The following ENOX2 variants were observed in gnomAD, a reference collection of about 807,000 sequenced individuals.
The protein encoded by ENOX2 is APK1 antigen.
In ENOX2, 36 loss-of-function variants were observed where a neutral mutation model predicts 45.0. That is an observed-to-expected ratio of 0.80 (90% confidence interval 0.61 to 1.06). The LOEUF (loss-of-function observed/expected upper bound fraction) is 1.06, where lower values mean the gene tolerates loss of function less well. Ranked by LOEUF, ENOX2 falls within the 50% of genes least tolerant of loss-of-function variation. The probability of loss-of-function intolerance (pLI) is 0.00; values close to 1 mark genes in which losing one functional copy is unlikely to be tolerated. For missense variants in ENOX2, 423 were observed against 462.5 expected, an observed-to-expected ratio of 0.91 and a Z score of 0.78; for synonymous variants, 174 against 152.3, an observed-to-expected ratio of 1.14 and a Z score of -1.05.
intron 3 of ENOX2, among the ~76,000 whole-genome samples, chrX:130,730,005 C>T (rs1012389011): frequency 8.9e-6 from 1 of 112,097 alleles, no homozygotes; most frequent in Non-Finnish European, 1.9e-5. Context: ...TACGATTCTC[C>T]TGCTAGAAAA....
At chrX:130,737,077 A>T (rs2038876937) in intron 3 of ENOX2, among the ~76,000 whole-genome samples, 1 of 112,365 alleles carries the variant, frequency 8.9e-6, no homozygotes, top group Non-Finnish European at 1.9e-5. Context: ...CATACTCCAT[A>T]AACCAGTTTT....
Position 130,796,250 on chromosome X carries a change from T to G in ENOX2, c.-182-12560A>C, listed in dbSNP as rs1238267242. ...TCTGGATTTCATGTATAATTGGATC[T>G]GGGAGTTGAGGAGAAGAGAGGAGTC... On this transcript the variant is annotated intron_variant, in intron 2 of 14. Coordinates refer to ENST00000394363, the MANE Select transcript of ENOX2 (RefSeq NM_006375.4). Among the ~76,000 whole-genome samples, 3 of 111,690 alleles carry G rather than the reference T, an allele frequency of 2.7e-5. No individual in the cohort carries two copies. In the East Asian group the frequency reaches 8.4e-4, roughly 31 times the overall value.
At chrX:130,759,278 T>A (rs1301083090) in intron 3 of ENOX2, among the ~76,000 whole-genome samples, 1 of 111,230 alleles carries the variant, frequency 9.0e-6, no homozygotes, top group Non-Finnish European at 1.9e-5. Context: ...GGATGTCCAA[T>A]TTCTCCAGTA....
intron 2 of ENOX2, among the ~76,000 whole-genome samples, chrX:130,867,606 G>T (rs1484130348): frequency 1.8e-5 from 2 of 111,595 alleles, no homozygotes; most frequent in African/African-American, 3.2e-5. Context: ...ATCATGACTG[G>T]CCTCATCATA....
At chrX:130,752,026 T>C (rs1330002335) in intron 3 of ENOX2, among the ~76,000 whole-genome samples, 1 of 111,862 alleles carries the variant, frequency 8.9e-6, no homozygotes, top group Non-Finnish European at 1.9e-5. Flanking sequence ...TCATTTTCTC[T>C]ATGTCTTTCT....
At chrX:130,745,746 T>G (rs2039084279) in intron 3 of ENOX2, among the ~76,000 whole-genome samples, 1 of 111,991 alleles carries the variant, frequency 8.9e-6, no homozygotes, top group African/African-American at 3.2e-5. Context: ...GAGCTCTCAA[T>G]GGAAGAGTGC....
chrX:130,688,116 G>A (rs892053911), intron 5 of ENOX2, among the ~76,000 whole-genome samples: 1 of 111,932 alleles, frequency 8.9e-6, no homozygotes, highest in Non-Finnish European at 1.9e-5. Context: ...TGAGGCTTGG[G>A]GCACATGCAG....
At chrX:130,661,678 C>T (rs1028536498) in intron 9 of ENOX2, among the ~76,000 whole-genome samples, 14 of 112,097 alleles carry the variant, frequency 1.2e-4, no homozygotes, top group Admixed American at 1.1e-3. Flanking sequence ...AGTGGAAATA[C>T]AAATTAGGTT....
At chrX:130,886,662 G>A (rs1402777224) in intron 2 of ENOX2, among the ~76,000 whole-genome samples, 1 of 110,797 alleles carries the variant, frequency 9.0e-6, no homozygotes, top group Admixed American at 9.6e-5. Context: ...TTTTCTGTCA[G>A]GAGAATAAAC....
chrX:130,865,291 T>C (rs1490580125), intron 2 of ENOX2, among the ~76,000 whole-genome samples: 1 of 111,417 alleles, frequency 9.0e-6, no homozygotes, highest in Non-Finnish European at 1.9e-5. Flanking sequence ...AAGGTAAGGC[T>C]ACCAGCAGGG....
At chrX:130,790,830 C>G (rs956608748) in intron 2 of ENOX2, among the ~76,000 whole-genome samples, 5 of 112,397 alleles carry the variant, frequency 4.4e-5, no homozygotes, top group Non-Finnish European at 9.4e-5. Context: ...GGGGAACTAC[C>G]CATCAGGGAA....
chrX:130,684,696 A>AAT lies in ENOX2; in HGVS notation c.253+4166_253+4167insAT. Among the ~76,000 whole-genome samples the AAT allele has an allele frequency of 7.1e-5, 8 of 112,257 alleles. 2 individuals are homozygous for AAT. In the Admixed American group the frequency reaches 7.5e-4, roughly 11 times the overall value. On this transcript the variant is annotated intron_variant, in intron 5 of 14. Coordinates refer to ENST00000394363, the MANE Select transcript of ENOX2 (RefSeq NM_006375.4). ...TGCTGGTGATACATCAGGAGACAAA[A>AAT]AAGACAAAAATTCTGCCTTCGTGGG...
intron 3 of ENOX2, among the ~76,000 whole-genome samples, chrX:130,768,500 C>T (rs947361265): frequency 2.7e-5 from 3 of 112,100 alleles, no homozygotes; most frequent in Non-Finnish European, 5.6e-5. Flanking sequence ...CCCCAGCCTG[C>T]TGTCCACCAC....
intron 3 of ENOX2, among the ~76,000 whole-genome samples, chrX:130,720,630 T>C (rs754612562): frequency 8.9e-6 from 1 of 112,236 alleles, no homozygotes; most frequent in South Asian, 3.7e-4. Flanking sequence ...AAAGAGTACA[T>C]CTCAGTTCAG....
At chrX:130,684,094 G>T (rs2037384026) in intron 5 of ENOX2, among the ~76,000 whole-genome samples, 1 of 112,598 alleles carries the variant, frequency 8.9e-6, no homozygotes, top group Non-Finnish European at 1.9e-5. Flanking sequence ...TCCAGAGAAG[G>T]TACAAAGCTC....
intron 3 of ENOX2, among the ~76,000 whole-genome samples, chrX:130,754,911 T>C (rs1244520720): frequency 8.9e-6 from 1 of 111,909 alleles, no homozygotes; most frequent in Non-Finnish European, 1.9e-5. Flanking sequence ...AACTACATGC[T>C]CAGAGCATGT....
At chrX:130,817,756 G>A (rs1305921528) in intron 2 of ENOX2, among the ~76,000 whole-genome samples, 1 of 112,022 alleles carries the variant, frequency 8.9e-6, no homozygotes. Flanking sequence ...AGGTATTGAT[G>A]GAACATATTT....
At chrX:130,682,428 CAA>C (rs1165007043) in intron 5 of ENOX2, among the ~76,000 whole-genome samples, 1 of 107,055 alleles carries the variant, frequency 9.3e-6, no homozygotes, top group Non-Finnish European at 1.9e-5. Context: ...ACTAAAAATA[CAA>C]AAAATTAGCT....
intron 2 of ENOX2, among the ~76,000 whole-genome samples, chrX:130,874,929 C>G (rs1205715707): frequency 1.8e-5 from 2 of 110,968 alleles, no homozygotes; most frequent in African/African-American, 6.6e-5. Flanking sequence ...CATCTCTGAC[C>G]TAGCTAATTT....
Sources: gnomAD v4.1 joint callset for allele counts (sites outside exome capture counted in the v4.1 genomes callset) on GRCh38, gnomAD v4.1.1 for gene constraint, MANE v1.5 for transcripts, NCBI Gene and HGNC (gene_info 2026-07-23, HGNC 2026-07-21) for gene names.